The following DIP2C variants were observed in gnomAD, a reference collection of about 807,000 sequenced individuals.
DIP2C encodes disco-interacting protein 2 homolog C.
DIP2C carries 33 observed loss-of-function variants against 192.4 expected under a neutral mutation model. The ratio of observed to expected loss-of-function variants is 0.17; its 90% CI spans 0.13 to 0.23. The LOEUF is 0.23. DIP2C is among the 10% of genes least tolerant of loss of function. The pLI, the probability that DIP2C is intolerant of heterozygous loss-of-function variation, is 1.00. For missense variants in DIP2C, 1,537 were observed against 2,110.1 expected (o/e 0.73, Z 5.32); for synonymous variants, 979 against 864.1 (o/e 1.13, Z -2.33).
rs59135780 is a variant in DIP2C, at chr10:449,920, CAA to C, written c.269-8926_269-8925del. 2.6e-3 allele frequency among the ~76,000 whole-genome samples: 350 copies of C among 135,792 alleles called. 1 individual carries two copies. The highest frequency in any genetic ancestry group is 3.5e-3 in the Middle Eastern group (1 of 288). The allele number at this position is 135,792 out of a possible 152,430, so 89.1% of individuals were successfully genotyped here. On this transcript the variant is annotated intron_variant, in intron 3 of 36. Transcript: ENST00000280886. ...ATAAAGATGTTTCAGTCAACAACAA[CAA>C]AAAAAAAAAAAAAAGAAAATCTGAG...
intron 1 of DIP2C, among the ~76,000 whole-genome samples, chr10:502,892 G>A (rs1008493480): frequency 3.3e-5 from 5 of 152,134 alleles, no homozygotes; most frequent in Non-Finnish European, 7.4e-5. Context: ...TTCTCTCCAC[G>A]TTGACCAACA....
At chr10:453,353 C>T (rs529685712) in intron 3 of DIP2C, among the ~76,000 whole-genome samples, 4 of 152,240 alleles carry the variant, frequency 2.6e-5, no homozygotes, top group Admixed American at 6.5e-5. Context: ...AGGATTGCAG[C>T]GGAGTCAACA....
intron 1 of DIP2C, among the ~76,000 whole-genome samples, chr10:561,413 C>T (rs899181696): frequency 9.2e-5 from 14 of 152,132 alleles, no homozygotes; most frequent in Non-Finnish European, 1.9e-4. Context: ...CTCCCATGTC[C>T]CAAGGCCTGA....
chr10:287,580 C>T (rs1251584979), intron 33 of DIP2C, among the ~76,000 whole-genome samples: 2 of 150,830 alleles, frequency 1.3e-5, no homozygotes, highest in Admixed American at 6.6e-5. Context: ...TAACTTGCAG[C>T]CATGCAGGCA....
chr10:422,894 C>G lies in DIP2C; in HGVS notation c.534G>C (p.Ser178=), dbSNP rs148015778. Residue 178 remains serine, a synonymous_variant, in exon 5 of 37, where the codon TCG becomes TCC. Coordinates refer to ENST00000280886, the MANE Select transcript of DIP2C (RefSeq NM_014974.3). ...IHGSTTSTTS[S]SSTQSGGSGA... ...CGCTGCCCCCGCTCTGCGTAGAGGA[C>G]GAGGAGGTGGTGGACGTGGTGGAGC... is the stretch of plus-strand genomic sequence containing the variant. 1.4e-5 allele frequency: 23 copies of G among 1,613,724 alleles called. No homozygotes were observed. Among genetic ancestry groups the G allele is most frequent in the African/African-American group, 4.0e-5 (3 of 74,930 alleles).
At chr10:603,322 AAAAAAAAAAAACC>A (rs1442511816) in intron 1 of DIP2C, among the ~76,000 whole-genome samples, 80 of 136,894 alleles carry the variant, frequency 5.8e-4, no homozygotes, top group African/African-American at 2.4e-3. Context: ...AAAAAAAAAA[AAAAAAAAAAAACC>A]AACCATGAGA....
chr10:567,393 T>C (rs975719012), intron 1 of DIP2C, among the ~76,000 whole-genome samples: 12 of 152,246 alleles, frequency 7.9e-5, no homozygotes, highest in South Asian at 2.1e-4. Flanking sequence ...GGTTTTACCA[T>C]GTTGGTCAGG....
intron 32 of DIP2C, among the ~76,000 whole-genome samples, chr10:292,528 T>G (rs1955542297): frequency 6.6e-6 from 1 of 152,232 alleles, no homozygotes; most frequent in African/African-American, 2.4e-5. Context: ...GTCCTTGAAC[T>G]GCCCTCAAAT....
chr10:357,788 G>T, intron 23 of DIP2C, 40 bp downstream of exon 23: 2 of 1,513,748 alleles, frequency 1.3e-6, no homozygotes, highest in South Asian at 1.1e-5. Context: ...AGTCGGAAAA[G>T]TCGGGGACGG....
chr10:422,747 A>C lies in DIP2C; in HGVS notation c.604+77T>G. The C allele has an allele frequency of 2.0e-6, 3 of 1,502,340 alleles. No homozygotes were observed. In the East Asian group the frequency reaches 6.8e-5, roughly 34 times the overall value. The allele number at this position is 1,502,340 out of a possible 1,614,324, so 93.1% of individuals were successfully genotyped here. A position where few individuals can be genotyped will look rare whatever the true frequency, so the allele number is the denominator to read the frequency against. ...CTTTCCACCGAGGGATTCCGCTGCA[A>C]CGATGCAAACAGAGAATGTGCACAC... On this transcript the variant is annotated intron_variant, in intron 5 of 36. Transcript: ENST00000280886.
At chr10:419,040 A>G (rs1412221372) in intron 6 of DIP2C, 25 bp downstream of exon 6, 1 of 1,614,152 alleles carries the variant, frequency 6.2e-7, no homozygotes, top group South Asian at 1.1e-5. Flanking sequence ...ACCAGAAAAA[A>G]ACGCATCTCT....
At position 285,103 on chromosome 10, in the gene DIP2C, C is replaced by T. The variant is rs568360040; in HGVS notation, c.4119+1170G>A. 1.3e-4 allele frequency among the ~76,000 whole-genome samples: 19 copies of T among 146,382 alleles called. No individual in the cohort carries two copies. In the South Asian group the frequency reaches 2.2e-3, roughly 17 times the overall value. On this transcript the variant is annotated intron_variant, in intron 34 of 36. Coordinates refer to ENST00000280886, the MANE Select transcript of DIP2C (RefSeq NM_014974.3). The stretch of plus-strand genomic sequence containing the variant: ...TGAGAGCTGCACAGAATTTTATCTC[C>T]GCAGTTCTGATCTTTCATGTATGTG...
chr10:336,427 G>A (rs1002899628), intron 29 of DIP2C, among the ~76,000 whole-genome samples: 4 of 152,188 alleles, frequency 2.6e-5, no homozygotes, highest in African/African-American at 7.2e-5. Context: ...ATACAATCAT[G>A]TCTTCAGTTC....
intron 10 of DIP2C, among the ~76,000 whole-genome samples, chr10:392,797 G>A (rs931240090): frequency 1.9e-4 from 29 of 150,710 alleles, no homozygotes; most frequent in African/African-American, 5.7e-4. Flanking sequence ...ATGCACACAC[G>A]CGGATGCGCA....
chr10:361,313 C>T (rs748975406), intron 22 of DIP2C, among the ~76,000 whole-genome samples: 1 of 152,164 alleles, frequency 6.6e-6, no homozygotes, highest in Non-Finnish European at 1.5e-5. Flanking sequence ...TGCAGGAGGT[C>T]ACACTCCTGA....
chr10:480,680 G>A (rs758215057), intron 2 of DIP2C, among the ~76,000 whole-genome samples: 5 of 152,250 alleles, frequency 3.3e-5, no homozygotes, highest in South Asian at 2.1e-4. Flanking sequence ...CCTCCATAGC[G>A]GCTGGCGCCT....
intron 17 of DIP2C, among the ~76,000 whole-genome samples, chr10:376,158 C>T (rs962342485): frequency 2.0e-5 from 3 of 152,230 alleles, no homozygotes; most frequent in Non-Finnish European, 4.4e-5. Context: ...CTGTGATTCT[C>T]ATCTACAGAC....
intron 8 of DIP2C, among the ~76,000 whole-genome samples, chr10:413,290 G>C (rs1341588189): frequency 6.6e-6 from 1 of 152,188 alleles, no homozygotes; most frequent in Non-Finnish European, 1.5e-5. Context: ...TAATTGTACT[G>C]AAGACTTAAG....
At position 415,990 on chromosome 10, in the gene DIP2C, C is replaced by T. The variant is rs186277033; in HGVS notation, c.740-102G>A. ...AGCCCCCTCCCCAGCGCGGCTACAA[C>T]AGGCTGCATCCTAGATGCGATCCTG... On this transcript the variant is annotated intron_variant, in intron 6 of 36. Coordinates refer to ENST00000280886, the MANE Select transcript of DIP2C (RefSeq NM_014974.3). The T allele has an allele frequency of 3.9e-6, 6 of 1,551,010 alleles. No homozygotes were observed. In the East Asian group the frequency reaches 1.4e-4, roughly 35 times the overall value.
Sources: allele counts gnomAD v4.1 joint callset (sites outside exome capture counted in the v4.1 genomes callset), GRCh38; gene constraint gnomAD v4.1.1; transcripts MANE v1.5; gene names NCBI Gene and HGNC (gene_info 2026-07-23, HGNC 2026-07-21).